The following GABRG3 variants were observed in gnomAD, a reference collection of about 807,000 sequenced individuals.
GABRG3 encodes the protein gamma-aminobutyric acid receptor subunit gamma-3.
In GABRG3, 25 loss-of-function variants were observed where a neutral mutation model predicts 48.8. The ratio of observed to expected loss-of-function variants is 0.51; its 90% confidence interval spans 0.37 to 0.72. The LOEUF (loss-of-function observed/expected upper bound fraction) is 0.72. Ranked by LOEUF, GABRG3 falls within the 30% of genes least tolerant of loss-of-function variation. The probability of loss-of-function intolerance (pLI) is 0.00; values close to 1 mark genes in which losing one functional copy is unlikely to be tolerated. For synonymous variants in GABRG3, 227 were observed against 217.6 expected (o/e 1.04, Z -0.38); for missense variants, 394 against 577.9 (o/e 0.68, Z 3.26).
intron 3 of GABRG3, among the ~76,000 whole-genome samples, chr15:27,120,949 A>G (rs1030232703): frequency 1.3e-5 from 2 of 152,200 alleles, no homozygotes; most frequent in African/African-American, 4.8e-5. Context: ...AGCGTATGCC[A>G]AACTTAGTTG....
intron 3 of GABRG3, among the ~76,000 whole-genome samples, chr15:27,097,802 G>A (rs1233609913): frequency 6.6e-6 from 1 of 152,074 alleles, no homozygotes; most frequent in African/African-American, 2.4e-5. Flanking sequence ...GGAATTAGCT[G>A]GCCCAAAATG....
intron 5 of GABRG3, among the ~76,000 whole-genome samples, chr15:27,396,752 A>G (rs1887310471): frequency 6.6e-6 from 1 of 152,220 alleles, no homozygotes; most frequent in South Asian, 2.1e-4. Context: ...CAACTGATTA[A>G]TTGATAAACA....
intron 2 of GABRG3, among the ~76,000 whole-genome samples, chr15:26,983,257 A>G (rs1432132): frequency 0.58 from 88,209 of 151,430 alleles, 27,121 homozygotes; most frequent in East Asian, 0.9. Flanking sequence ...TGTGCTGTAC[A>G]TGGATTTACT....
At chr15:27,037,477 GGA>G (rs1408691262) in intron 3 of GABRG3, among the ~76,000 whole-genome samples, 1 of 152,156 alleles carries the variant, frequency 6.6e-6, no homozygotes, top group East Asian at 1.9e-4. Flanking sequence ...ATTCAGGGTG[GGA>G]GAGTTTATCA....
chr15:27,372,372 A>C (rs1353569219), intron 5 of GABRG3, among the ~76,000 whole-genome samples: 1 of 152,120 alleles, frequency 6.6e-6, no homozygotes, highest in African/African-American at 2.4e-5. Context: ...ATTTTCATTT[A>C]AACTTTTTGT....
At position 27,449,897 on chromosome 15, in the gene GABRG3, C is replaced by T. The variant is rs144806759; in HGVS notation, c.575-30753C>T. On this transcript the variant is annotated intron_variant, in intron 5 of 9. Transcript: ENST00000615808. ...CTCTCTCAGTAGAAAATGAAATGCA[C>T]TTCTTAAGGTATATGAAAGTGCTGG... Among the ~76,000 whole-genome samples the T allele has an allele frequency of 5.0e-3, 760 of 152,336 alleles. 6 individuals are homozygous for T. Among genetic ancestry groups the T allele is most frequent in the African/African-American group, 0.017 (710 of 41,568 alleles).
chr15:27,404,390 G>A (rs1357311673), intron 5 of GABRG3, among the ~76,000 whole-genome samples: 2 of 152,166 alleles, frequency 1.3e-5, no homozygotes, highest in Non-Finnish European at 2.9e-5. Context: ...TGTCAGTGCT[G>A]TCTCACTGGG....
At chr15:27,310,820 G>A (rs1054382720) in intron 3 of GABRG3, among the ~76,000 whole-genome samples, 1 of 152,068 alleles carries the variant, frequency 6.6e-6, no homozygotes, top group Non-Finnish European at 1.5e-5. Flanking sequence ...ACAAAGCCAA[G>A]CATATATACA....
chr15:27,414,779 G>A (rs527541263), intron 5 of GABRG3, among the ~76,000 whole-genome samples: 3 of 152,150 alleles, frequency 2.0e-5, no homozygotes, highest in Admixed American at 6.5e-5. Context: ...CTGCTGAAAC[G>A]TCTTTGCTTT....
intron 7 of GABRG3, among the ~76,000 whole-genome samples, chr15:27,521,640 A>C (rs1293005413): frequency 6.6e-6 from 1 of 152,098 alleles, no homozygotes; most frequent in African/African-American, 2.4e-5. Context: ...GATTTTAATT[A>C]ATGAATAGAT....
chr15:27,081,486 A>G (rs1259536487), intron 3 of GABRG3, among the ~76,000 whole-genome samples: 1 of 152,178 alleles, frequency 6.6e-6, no homozygotes, highest in African/African-American at 2.4e-5. Flanking sequence ...TTATTCTTGA[A>G]TAGAAATACA....
chr15:27,095,295 A>G (rs2140760248), intron 3 of GABRG3, among the ~76,000 whole-genome samples: 1 of 152,370 alleles, frequency 6.6e-6, no homozygotes, highest in Non-Finnish European at 1.5e-5. Flanking sequence ...CATGGATTAC[A>G]GAACTTCACT....
chr15:27,025,024 C>CAA (rs34897569), intron 2 of GABRG3, among the ~76,000 whole-genome samples: 15,193 of 91,244 alleles, frequency 0.17, 1,564 homozygotes, highest in East Asian at 0.37. Context: ...GACCCTGTCT[C>CAA]AAAAAAAAAA....
chr15:27,316,359 G>T (rs960348406), intron 3 of GABRG3, among the ~76,000 whole-genome samples: 5 of 137,344 alleles, frequency 3.6e-5, no homozygotes, highest in African/African-American at 1.4e-4. Flanking sequence ...CTGCACTCCA[G>T]CCTGGGCGAC....
At chr15:27,362,897 A>G (rs1895069671) in intron 5 of GABRG3, 1 of 152,246 alleles carries the variant, frequency 6.6e-6, no homozygotes, top group Non-Finnish European at 1.5e-5. Context: ...TTCATTCTTC[A>G]AGATTCCCAG....
At chr15:27,323,460 A>T (rs907958340) in intron 3 of GABRG3, among the ~76,000 whole-genome samples, 1 of 152,226 alleles carries the variant, frequency 6.6e-6, no homozygotes, top group African/African-American at 2.4e-5. Context: ...TGTTCAAAGA[A>T]AGAAGGGAGT....
At chr15:27,220,761 G>A (rs1437561020) in intron 3 of GABRG3, among the ~76,000 whole-genome samples, 1 of 152,086 alleles carries the variant, frequency 6.6e-6, no homozygotes, top group Non-Finnish European at 1.5e-5. Flanking sequence ...GGGTCACTGG[G>A]TGCCTGGAAT....
chr15:27,166,457 GTCT>G (rs755703781), intron 3 of GABRG3, among the ~76,000 whole-genome samples: 14 of 152,162 alleles, frequency 9.2e-5, no homozygotes, highest in Admixed American at 3.3e-4. Flanking sequence ...AGGTGTTTCT[GTCT>G]TCTTCTTCCA....
chr15:27,004,820 AAAAT>A (rs1895551418), intron 2 of GABRG3, among the ~76,000 whole-genome samples: 1 of 152,240 alleles, frequency 6.6e-6, no homozygotes, highest in Non-Finnish European at 1.5e-5. Context: ...ATATTGCTGT[AAAAT>A]AAACCGCCTT....
Sources: gnomAD v4.1 joint callset for allele counts (sites outside exome capture counted in the v4.1 genomes callset) on GRCh38, gnomAD v4.1.1 for gene constraint, MANE v1.5 for transcripts, NCBI Gene and HGNC (gene_info 2026-07-23, HGNC 2026-07-21) for gene names.